The following TGFBR3 variants were observed in gnomAD, a reference collection of about 807,000 sequenced individuals.
The protein encoded by TGFBR3 is transforming growth factor beta receptor type 3.
Under a neutral mutation model 87.9 loss-of-function variants are expected in TGFBR3, and 46 were observed. The ratio of observed to expected loss-of-function variants is 0.52; its 90% CI spans 0.41 to 0.67. TGFBR3 has a LOEUF of 0.67. TGFBR3 is among the 30% of genes least tolerant of loss of function. The pLI, the probability that TGFBR3 is intolerant of heterozygous loss-of-function variation, is 0.00. For missense variants in TGFBR3, 866 were observed against 1,041.9 expected, an observed-to-expected ratio of 0.83 and a Z score of 2.32; for synonymous variants, 381 against 391.6, an observed-to-expected ratio of 0.97 and a Z score of 0.32.
intron 5 of TGFBR3, among the ~76,000 whole-genome samples, chr1:91,731,745 A>G (rs1227073799): frequency 1.3e-5 from 2 of 152,238 alleles, no homozygotes; most frequent in Non-Finnish European, 2.9e-5. Context: ...CCTGGCTTGT[A>G]TCTGGCACAT....
chr1:91,830,892 T>A (rs889076960), intron 2 of TGFBR3, among the ~76,000 whole-genome samples: 14 of 152,022 alleles, frequency 9.2e-5, no homozygotes, highest in African/African-American at 3.4e-4. Flanking sequence ...ATCAGACGCT[T>A]TCTCCCTGTC....
intron 4 of TGFBR3, among the ~76,000 whole-genome samples, chr1:91,742,119 C>A (rs1045028942): frequency 1.3e-5 from 2 of 152,174 alleles, no homozygotes; most frequent in Admixed American, 1.3e-4. Flanking sequence ...GCAAACCGTT[C>A]TGTGTCCTCC....
chr1:91,750,932 T>A (rs926441222), intron 4 of TGFBR3, among the ~76,000 whole-genome samples: 2 of 152,228 alleles, frequency 1.3e-5, no homozygotes, highest in African/African-American at 2.4e-5. Flanking sequence ...ATTTTCACTA[T>A]TATTTAGCGT....
intron 2 of TGFBR3, among the ~76,000 whole-genome samples, chr1:91,809,249 A>G (rs1234807587): frequency 6.6e-6 from 1 of 152,182 alleles, no homozygotes. Context: ...TCTCTTTTTT[A>G]TCATTTGCAA....
chr1:91,793,525 C>T (rs560115719), intron 3 of TGFBR3, among the ~76,000 whole-genome samples: 7 of 152,200 alleles, frequency 4.6e-5, no homozygotes, highest in Middle Eastern at 3.4e-3. Context: ...TTGGTAGAGG[C>T]CAGGTGAGGT....
At chr1:91,801,083 CAAAAA>C (rs55862227) in intron 2 of TGFBR3, 83 of 139,370 alleles carry the variant, frequency 6.0e-4, no homozygotes, top group South Asian at 2.9e-3. Flanking sequence ...AACTCTGTCT[CAAAAA>C]AAAAAAAAAA....
At chr1:91,852,434 T>C (rs1359215740) in intron 2 of TGFBR3, among the ~76,000 whole-genome samples, 2 of 152,220 alleles carry the variant, frequency 1.3e-5, no homozygotes, top group East Asian at 1.9e-4. Context: ...TGCACACGCA[T>C]GCACGCACAT....
At chr1:91,820,747 T>G (rs1403584565) in intron 2 of TGFBR3, among the ~76,000 whole-genome samples, 1 of 152,198 alleles carries the variant, frequency 6.6e-6, no homozygotes, top group Non-Finnish European at 1.5e-5. Context: ...ATACATATGC[T>G]GCATTTAAAA....
intron 2 of TGFBR3, among the ~76,000 whole-genome samples, chr1:91,828,332 A>G (rs1197833436): frequency 4.6e-5 from 7 of 152,228 alleles, no homozygotes; most frequent in Non-Finnish European, 1.0e-4. Context: ...AACTAGTCAA[A>G]GGAAAAAGAG....
At chr1:91,717,689 T>A (rs201982993) in intron 10 of TGFBR3, among the ~76,000 whole-genome samples, 5 of 136,164 alleles carry the variant, frequency 3.7e-5, no homozygotes, top group Admixed American at 7.5e-5. Context: ...GGAAGAAAAT[T>A]AAAAAAAAAA....
intron 3 of TGFBR3, among the ~76,000 whole-genome samples, chr1:91,760,898 T>A (rs1673938719): frequency 6.6e-6 from 1 of 152,094 alleles, no homozygotes; most frequent in Admixed American, 6.5e-5. Context: ...ACACACACAC[T>A]ATGGAGAATG....
chr1:91,860,934 C>CAAAAAA lies in TGFBR3; in HGVS notation c.61+531_61+536dup, dbSNP rs3039477. On this transcript the variant is annotated intron_variant, in intron 2 of 16. Coordinates refer to ENST00000212355, the MANE Select transcript of TGFBR3 (RefSeq NM_003243.5). ...GTGACAGAGCAAGACTCTGTCTCCA[C>CAAAAAA]AAAAAAAAAAAAAAAAAAAAAAAAA... is the stretch of plus-strand genomic sequence containing the variant. Among the ~76,000 whole-genome samples the CAAAAAA allele has an allele frequency of 1.5e-3, 54 of 35,632 alleles. 11 individuals are homozygous for CAAAAAA. Among genetic ancestry groups the CAAAAAA allele is most frequent in the African/African-American group, 4.6e-3 (48 of 10,326 alleles). 23.4% of individuals were successfully genotyped at this position (35,632 alleles called of 152,430 possible).
At chr1:91,796,391 G>C (rs1165353690) in intron 3 of TGFBR3, among the ~76,000 whole-genome samples, 1 of 152,164 alleles carries the variant, frequency 6.6e-6, no homozygotes, top group Non-Finnish European at 1.5e-5. Context: ...TGAGTGCTTC[G>C]AACAGTGTTT....
intron 4 of TGFBR3, among the ~76,000 whole-genome samples, chr1:91,747,297 G>A (rs1473685227): frequency 6.6e-6 from 1 of 152,154 alleles, no homozygotes; most frequent in Non-Finnish European, 1.5e-5. Context: ...ACCAAGTCTG[G>A]GTAGGCAAAT....
chr1:91,898,692 C>G lies in TGFBR3; in HGVS notation c.-114+945G>C, dbSNP rs189122515. 3.5e-3 allele frequency among the ~76,000 whole-genome samples: 530 copies of G among 152,300 alleles called. 3 individuals are homozygous for G. Among genetic ancestry groups the G allele is most frequent in the Admixed American group, 0.01 (158 of 15,300 alleles). The stretch of plus-strand genomic sequence containing the variant: ...GACCTCGTGATCCACCCGCCTTGGC[C>G]TCCCAAAGTGCTGGGATTACAGGTG... On this transcript the variant is annotated intron_variant, in intron 2 of 17. Coordinates refer to the TGFBR3 transcript ENST00000370399.
chr1:91,747,360 G>A (rs143219886), intron 4 of TGFBR3, among the ~76,000 whole-genome samples: 28 of 152,302 alleles, frequency 1.8e-4, no homozygotes, highest in African/African-American at 6.5e-4. Flanking sequence ...AAGCAGTGAG[G>A]CAAAGCAGGG....
At chr1:91,813,141 G>A (rs952872673) in intron 2 of TGFBR3, among the ~76,000 whole-genome samples, 2 of 152,000 alleles carry the variant, frequency 1.3e-5, no homozygotes, top group Admixed American at 1.3e-4. Context: ...TCACTAAAAC[G>A]TTCTGACTTC....
intron 16 of TGFBR3, among the ~76,000 whole-genome samples, chr1:91,688,584 T>C (rs1464436234): frequency 6.6e-6 from 1 of 152,210 alleles, no homozygotes; most frequent in Non-Finnish European, 1.5e-5. Flanking sequence ...AAGGCTGCTC[T>C]GATGTGTAAG....
chr1:91,752,426 A>G (rs1034995434), intron 4 of TGFBR3, among the ~76,000 whole-genome samples: 1 of 148,216 alleles, frequency 6.7e-6, no homozygotes, highest in Non-Finnish European at 1.5e-5. Flanking sequence ...GATTTTAATG[A>G]TAAATGGCTA....
Sources: allele counts gnomAD v4.1 joint callset (sites outside exome capture counted in the v4.1 genomes callset), GRCh38; gene constraint gnomAD v4.1.1; transcripts MANE v1.5; gene names NCBI Gene and HGNC (gene_info 2026-07-23, HGNC 2026-07-21).